Variants in MEF2C observed in about 807,000 individuals in gnomAD.
The protein encoded by MEF2C is myocyte enhancer factor 2C, also known as myocyte-specific enhancer factor 2C.
Under a neutral mutation model 50.5 loss-of-function variants are expected in MEF2C, and 6 were observed. The ratio of observed to expected loss-of-function variants is 0.12; its 90% CI spans 0.07 to 0.23. The LOEUF is 0.23. MEF2C is among the 10% of genes least tolerant of loss of function. MEF2C has a pLI of 1.00. For synonymous variants in MEF2C, 183 were observed against 228.0 expected (o/e 0.80, Z 1.78); for missense variants, 276 against 605.0 (o/e 0.46, Z 5.70).
chr5:88,771,096 A>C (rs1332374777), intron 3 of MEF2C, among the ~76,000 whole-genome samples: 1 of 152,226 alleles, frequency 6.6e-6, no homozygotes, highest in Non-Finnish European at 1.5e-5. Context: ...ATCACATCTC[A>C]TAAGACTTAT....
chr5:88,722,821 G>A lies in MEF2C; in HGVS notation c.1205C>T (p.Thr402Ile). The change falls in exon 11 of 11, where the codon ACC becomes ATC. Residue 402 changes from threonine to isoleucine, a missense_variant. Coordinates refer to ENST00000504921, the MANE Select transcript of MEF2C (RefSeq NM_002397.5). ...SEPVSPPRDR[T>I]TTPSRYPQHT... Reference sequence around the variant, plus strand: ...TTGTGGGTATCTCGAAGGGGTGGTGGTACGGTCTCTAGGAGGAGAAACAGG... The same window carrying A: ...TTGTGGGTATCTCGAAGGGGTGGTGATACGGTCTCTAGGAGGAGAAACAGG... 1 of 1,613,994 alleles carries A rather than the reference G, an allele frequency of 6.2e-7. No homozygotes were observed. Among genetic ancestry groups the A allele is most frequent in the Non-Finnish European group, 8.5e-7 (1 of 1,179,886 alleles).
intron 1 of MEF2C, among the ~76,000 whole-genome samples, chr5:88,833,695 A>G (rs1201069982): frequency 6.6e-6 from 1 of 152,214 alleles, no homozygotes; most frequent in Non-Finnish European, 1.5e-5. Flanking sequence ...GACCCAGTGC[A>G]GCTGCTGAAA....
chr5:88,775,469 T>C (rs1784329096), intron 3 of MEF2C, among the ~76,000 whole-genome samples: 1 of 152,222 alleles, frequency 6.6e-6, no homozygotes, highest in South Asian at 2.1e-4. Flanking sequence ...AAATAAAATA[T>C]AATTCATAAG....
At chr5:88,858,297 G>T (rs1254871212) in intron 1 of MEF2C, among the ~76,000 whole-genome samples, 1 of 152,096 alleles carries the variant, frequency 6.6e-6, no homozygotes, top group Non-Finnish European at 1.5e-5. Flanking sequence ...AGGAATTCAT[G>T]TGTAATATTC....
intron 1 of MEF2C, among the ~76,000 whole-genome samples, chr5:88,849,849 A>G (rs1310763369): frequency 6.6e-6 from 1 of 152,242 alleles, no homozygotes; most frequent in Non-Finnish European, 1.5e-5. Flanking sequence ...AGGATAATGT[A>G]GGATTATGTG....
chr5:88,897,341 C>A (rs528684508), intron 1 of MEF2C, among the ~76,000 whole-genome samples: 1 of 152,160 alleles, frequency 6.6e-6, no homozygotes, highest in Non-Finnish European at 1.5e-5. Flanking sequence ...AGCCTACGGC[C>A]GCAAAATAAA....
Position 88,731,814 on chromosome 5 carries a change from G to A in MEF2C, c.725C>T (p.Pro242Leu). 6.2e-7 allele frequency: 1 copy of A among 1,613,334 alleles called. No homozygotes were observed. Among genetic ancestry groups the A allele is most frequent in the Non-Finnish European group, 8.5e-7 (1 of 1,179,506 alleles). ...GTTATTCATTCCTAAATTCATTGGG[G>A]GAGGAGATTTTGCTTGCATATTCTT... ...LNKNMQAKSP[P>L]PMNLGMNNRK... The change falls in exon 7 of 11, where the codon CCC becomes CTC. Residue 242 changes from proline to leucine, a missense_variant. Transcript: ENST00000504921.
chr5:88,845,181 C>T (rs73770408), intron 1 of MEF2C, among the ~76,000 whole-genome samples: 3,800 of 152,250 alleles, frequency 0.025, 161 homozygotes, highest in African/African-American at 0.087. Flanking sequence ...TTACAAATAA[C>T]GAACGCTTAA....
chr5:88,743,206 A>G (rs1767685148), intron 6 of MEF2C: 1 of 977,760 alleles, frequency 1.0e-6, no homozygotes. Flanking sequence ...GTAATTAAGT[A>G]TCTTTCTCCC....
chr5:88,772,625 C>A lies in MEF2C; in HGVS notation c.259-11297G>T, dbSNP rs994170053. The A allele has an allele frequency of 5.0e-6, 3 of 597,708 alleles. No individual in the cohort carries two copies. In the African/African-American group the frequency reaches 6.1e-5, roughly 12 times the overall value. The allele number at this position is 597,708 out of a possible 1,614,324, so 37.0% of individuals were successfully genotyped here. ...GCAGGCAGAGAGATTTTTCAAGGAC[C>A]AATTCTGGATTGTGAACACAGATTT... On this transcript the variant is annotated intron_variant, in intron 3 of 10. Coordinates refer to ENST00000504921, the MANE Select transcript of MEF2C (RefSeq NM_002397.5).
At chr5:88,787,622 C>A (rs1254880966) in intron 3 of MEF2C, among the ~76,000 whole-genome samples, 1 of 152,196 alleles carries the variant, frequency 6.6e-6, no homozygotes, top group Non-Finnish European at 1.5e-5. Context: ...ACTCTCATAA[C>A]AATGCTTCAA....
At chr5:88,865,805 CGTAA>C (rs1354996557) in intron 1 of MEF2C, among the ~76,000 whole-genome samples, 8 of 152,266 alleles carry the variant, frequency 5.3e-5, no homozygotes, top group African/African-American at 1.7e-4. Flanking sequence ...CAGTGGGCAT[CGTAA>C]GTGACAGGAA....
At chr5:88,726,745 T>C (rs963082204) in intron 10 of MEF2C, among the ~76,000 whole-genome samples, 9 of 152,138 alleles carry the variant, frequency 5.9e-5, no homozygotes, top group African/African-American at 2.2e-4. Context: ...GTCCCTCCTT[T>C]CTCATTTTCT....
chr5:88,753,270 C>A (rs986400814), intron 4 of MEF2C, among the ~76,000 whole-genome samples: 1 of 152,152 alleles, frequency 6.6e-6, no homozygotes, highest in African/African-American at 2.4e-5. Flanking sequence ...ATTAATTTCC[C>A]ATTTTTCTTT....
chr5:88,731,270 T>C (rs1368656382), intron 7 of MEF2C, among the ~76,000 whole-genome samples: 1 of 152,126 alleles, frequency 6.6e-6, no homozygotes, highest in East Asian at 1.9e-4. Flanking sequence ...TAAGAAAGGA[T>C]TTGCTAATTA....
At chr5:88,821,103 G>C (rs1459672067) in intron 2 of MEF2C, among the ~76,000 whole-genome samples, 1 of 151,890 alleles carries the variant, frequency 6.6e-6, no homozygotes, top group Non-Finnish European at 1.5e-5. Context: ...TTAAAAAAAT[G>C]ATAAGTCAAA....
intron 2 of MEF2C, chr5:88,819,421 T>G: frequency 2.1e-6 from 2 of 975,406 alleles, no homozygotes; most frequent in Non-Finnish European, 2.4e-6. Flanking sequence ...CTGTCTAACA[T>G]CCAATCTTTT....
chr5:88,786,053 T>A (rs1790722979), intron 3 of MEF2C, among the ~76,000 whole-genome samples: 1 of 152,106 alleles, frequency 6.6e-6, no homozygotes, highest in African/African-American at 2.4e-5. Context: ...TATTTTTAGT[T>A]AAGCAGTTTT....
intron 3 of MEF2C, chr5:88,775,690 T>C: frequency 4.6e-6 from 2 of 435,974 alleles, no homozygotes; most frequent in Non-Finnish European, 6.1e-6. Context: ...GACCAATTAT[T>C]ACTTCACAAA....
Sources: allele counts gnomAD v4.1 joint callset (sites outside exome capture counted in the v4.1 genomes callset), GRCh38; gene constraint gnomAD v4.1.1; transcripts MANE v1.5; gene names NCBI Gene and HGNC (gene_info 2026-07-23, HGNC 2026-07-21).